The following CDH18 variants were observed in gnomAD, a reference collection of about 807,000 sequenced individuals.
CDH18 encodes cadherin 18.
CDH18 carries 31 observed loss-of-function variants against 67.9 expected under a neutral mutation model. That is an observed-to-expected ratio of 0.46 (90% CI 0.34 to 0.62). The LOEUF is 0.62. Ranked by LOEUF, CDH18 falls within the 20% of genes least tolerant of loss-of-function variation. The pLI is 0.01. For synonymous variants in CDH18, 362 were observed against 347.2 expected, an observed-to-expected ratio of 1.04 and a Z score of -0.48; for missense variants, 890 against 975.5, an observed-to-expected ratio of 0.91 and a Z score of 1.17.
intron 8 of CDH18, among the ~76,000 whole-genome samples, chr5:19,557,501 G>T (rs1344795744): frequency 6.6e-6 from 1 of 151,848 alleles, no homozygotes; most frequent in African/African-American, 2.4e-5. Context: ...TATCAGAGAA[G>T]ATGAACTTTA....
intron 1 of CDH18, among the ~76,000 whole-genome samples, chr5:20,530,043 C>A (rs1756305592): frequency 6.6e-6 from 1 of 152,026 alleles, no homozygotes; most frequent in African/African-American, 2.4e-5. Context: ...AGCAAAGTCT[C>A]AGGAGACAAA....
At chr5:19,523,532 C>G (rs1250567812) in intron 9 of CDH18, among the ~76,000 whole-genome samples, 2 of 112,396 alleles carry the variant, frequency 1.8e-5, no homozygotes, top group African/African-American at 8.3e-5. Context: ...TAATGGCCAA[C>G]AGTTAATAGG....
intron 1 of CDH18, among the ~76,000 whole-genome samples, chr5:20,438,378 T>C (rs1342135983): frequency 1.3e-5 from 2 of 151,114 alleles, no homozygotes; most frequent in African/African-American, 2.4e-5. Flanking sequence ...ACCCCACATC[T>C]CTAAATAAAC....
At chr5:19,962,707 C>T (rs865852852) in intron 2 of CDH18, among the ~76,000 whole-genome samples, 2 of 151,822 alleles carry the variant, frequency 1.3e-5, no homozygotes, top group Admixed American at 6.6e-5. Context: ...ACCTGGGAGG[C>T]GGAGGTTGCA....
chr5:20,472,279 G>A (rs1752144742), intron 1 of CDH18, among the ~76,000 whole-genome samples: 1 of 152,190 alleles, frequency 6.6e-6, no homozygotes, highest in African/African-American at 2.4e-5. Context: ...ATTAGGAATA[G>A]GTTTTTAAAT....
intron 2 of CDH18, among the ~76,000 whole-genome samples, chr5:20,230,197 A>C (rs1191922747): frequency 6.6e-6 from 1 of 152,126 alleles, no homozygotes; most frequent in Non-Finnish European, 1.5e-5. Flanking sequence ...TATAACAGAA[A>C]GCCCTTTGTG....
chr5:20,253,656 C>A (rs1744024377), intron 2 of CDH18, among the ~76,000 whole-genome samples: 1 of 152,104 alleles, frequency 6.6e-6, no homozygotes, highest in Admixed American at 6.5e-5. Flanking sequence ...ACTCTCAGAG[C>A]TTGAAGACTG....
intron 3 of CDH18, among the ~76,000 whole-genome samples, chr5:19,804,352 T>C (rs1156699539): frequency 6.6e-6 from 1 of 151,824 alleles, no homozygotes; most frequent in Non-Finnish European, 1.5e-5. Context: ...CTAAAATGTG[T>C]ACTTGACAAC....
intron 1 of CDH18, among the ~76,000 whole-genome samples, chr5:20,376,091 A>ATTTTTCTTTTTTTTTTTTTTTTTTTTTTT (rs1743397539): frequency 2.0e-5 from 1 of 49,748 alleles, no homozygotes; most frequent in African/African-American, 6.2e-5. Context: ...AAAAGAAACA[A>ATTTTTCTTTTTTTTTTTTTTTTTTTTTTT]TTTTTTTTTT....
chr5:20,518,367 C>A (rs1188981757), intron 1 of CDH18, among the ~76,000 whole-genome samples: 4 of 152,056 alleles, frequency 2.6e-5, no homozygotes, highest in African/African-American at 9.7e-5. Flanking sequence ...GATAAGGAAA[C>A]TGGTAGATGA....
intron 2 of CDH18, among the ~76,000 whole-genome samples, chr5:19,976,197 T>C (rs772304629): frequency 6.6e-6 from 1 of 152,200 alleles, no homozygotes; most frequent in Non-Finnish European, 1.5e-5. Flanking sequence ...CCATAAATTC[T>C]GTTTAAAAAC....
chr5:19,505,329 C>T (rs1023921696), intron 10 of CDH18, among the ~76,000 whole-genome samples: 3 of 152,080 alleles, frequency 2.0e-5, no homozygotes, highest in South Asian at 4.1e-4. Flanking sequence ...TGCCTGATTG[C>T]CCTGGCCAGA....
intron 1 of CDH18, among the ~76,000 whole-genome samples, chr5:20,569,734 A>G (rs956998006): frequency 9.9e-5 from 15 of 152,218 alleles, no homozygotes; most frequent in African/African-American, 3.6e-4. Context: ...ATTAATGCTT[A>G]TGGCAGCTTT....
chr5:19,748,705 G>A (rs1193926931), intron 3 of CDH18, among the ~76,000 whole-genome samples: 1 of 152,002 alleles, frequency 6.6e-6, no homozygotes, highest in East Asian at 1.9e-4. Context: ...CATTTTTGAG[G>A]TTTTAAAGTC....
intron 3 of CDH18, among the ~76,000 whole-genome samples, chr5:19,792,435 T>C (rs943912625): frequency 2.0e-5 from 3 of 152,124 alleles, no homozygotes; most frequent in Admixed American, 6.6e-5. Context: ...GCCTTCAGAC[T>C]AGGTTTAAAT....
intron 5 of CDH18, among the ~76,000 whole-genome samples, chr5:19,623,308 C>A (rs1750987562): frequency 6.6e-6 from 1 of 152,096 alleles, no homozygotes; most frequent in Admixed American, 6.6e-5. Flanking sequence ...AGAATTTTAG[C>A]ATCAGGAAAC....
At chr5:20,434,279 A>T (rs1748998870) in intron 1 of CDH18, among the ~76,000 whole-genome samples, 1 of 152,090 alleles carries the variant, frequency 6.6e-6, no homozygotes, top group Non-Finnish European at 1.5e-5. Context: ...TCATTGAATT[A>T]TTGCAGACAA....
chr5:19,748,109 T>C (rs1770318740), intron 3 of CDH18, among the ~76,000 whole-genome samples: 2 of 1,790 alleles, frequency 1.1e-3, no homozygotes, highest in Admixed American at 0.053. Flanking sequence ...CGAGACTCCA[T>C]CTCAAAAAAA....
chr5:20,052,279 A>C (rs1022982314), intron 2 of CDH18, among the ~76,000 whole-genome samples: 7 of 152,080 alleles, frequency 4.6e-5, no homozygotes, highest in Non-Finnish European at 1.0e-4. Context: ...GCAGGATGAG[A>C]CATGAATTGT....
Sources: gnomAD v4.1 joint callset for allele counts (sites outside exome capture counted in the v4.1 genomes callset) on GRCh38, gnomAD v4.1.1 for gene constraint, MANE v1.5 for transcripts, NCBI Gene and HGNC (gene_info 2026-07-23, HGNC 2026-07-21) for gene names.